KIF16B: variants seen among roughly 807,000 people sequenced by gnomAD.
The protein encoded by KIF16B is kinesin family member 16B.
A neutral mutation model predicts 156.3 loss-of-function variants in KIF16B; 98 were observed. The observed-to-expected ratio is 0.63, with a 90% confidence interval of 0.53 to 0.74. The LOEUF is 0.74. Ranked by LOEUF, KIF16B falls within the 30% of genes least tolerant of loss-of-function variation. KIF16B has a pLI of 0.00. For synonymous variants in KIF16B, 564 were observed against 583.7 expected, an observed-to-expected ratio of 0.97 and a Z score of 0.49; for missense variants, 1,421 against 1,606.5, an observed-to-expected ratio of 0.88 and a Z score of 1.97.
chr20:16,501,309 CAATACCAA>C (rs2068617035), intron 10 of KIF16B, among the ~76,000 whole-genome samples: 1 of 85,766 alleles, frequency 1.2e-5, no homozygotes, highest in Admixed American at 1.2e-4. Context: ...ATTCTTGGTT[CAATACCAA>C]GAATTGAATT....
intron 15 of KIF16B, among the ~76,000 whole-genome samples, chr20:16,410,298 T>C (rs1477115006): frequency 2.2e-5 from 3 of 139,076 alleles, no homozygotes; most frequent in East Asian, 2.1e-4. Context: ...CCTACATATA[T>C]ATGTGTGTGT....
chr20:16,517,594 T>C (rs2069184474), intron 3 of KIF16B, among the ~76,000 whole-genome samples: 2 of 152,116 alleles, frequency 1.3e-5, no homozygotes, highest in Non-Finnish European at 2.9e-5. Context: ...ATGTGTCCTC[T>C]TCCCACACCC....
intron 19 of KIF16B, among the ~76,000 whole-genome samples, chr20:16,375,101 T>A (rs1242215313): frequency 6.6e-6 from 1 of 152,092 alleles, no homozygotes; most frequent in African/African-American, 2.4e-5. Context: ...AAGTGATACA[T>A]CTATATGAGG....
intron 12 of KIF16B, among the ~76,000 whole-genome samples, chr20:16,446,476 C>G (rs534186417): frequency 9.2e-5 from 14 of 152,134 alleles, no homozygotes; most frequent in Non-Finnish European, 1.3e-4. Flanking sequence ...ATCTTGATTC[C>G]ATTAACTCTT....
chr20:16,323,546 T>C (rs553009453), intron 24 of KIF16B, among the ~76,000 whole-genome samples: 1 of 152,154 alleles, frequency 6.6e-6, no homozygotes, highest in African/African-American at 2.4e-5. Context: ...CCAAGTTTGA[T>C]TTGTTAAAGG....
At chr20:16,355,770 A>G (rs952562121) in intron 23 of KIF16B, among the ~76,000 whole-genome samples, 1 of 151,490 alleles carries the variant, frequency 6.6e-6, no homozygotes, top group African/African-American at 2.4e-5. Flanking sequence ...ATAAATCAAG[A>G]AACACTTGAA....
rs73898733 is a variant in KIF16B at position 16,428,663 on chromosome 20, T to C, written c.1474+290A>G. ...GTGAGACAATGTAGAGTGATTTAAG[T>C]AACTGTGTTCCTCAAAGACCTGACA... On this transcript the variant is annotated intron_variant, in intron 14 of 25. Coordinates refer to ENST00000354981, the MANE Select transcript of KIF16B (RefSeq NM_024704.5). Among the ~76,000 whole-genome samples, 567 of 152,256 alleles carry C rather than the reference T, an allele frequency of 3.7e-3. 3 individuals are homozygous for C. Among genetic ancestry groups the C allele is most frequent in the Middle Eastern group, 0.024 (7 of 294 alleles).
At chr20:16,304,157 T>A (rs2122628908) in intron 25 of KIF16B, among the ~76,000 whole-genome samples, 1 of 152,284 alleles carries the variant, frequency 6.6e-6, no homozygotes, top group Non-Finnish European at 1.5e-5. Flanking sequence ...CCCCTAGACT[T>A]CCATCTGAGT....
intron 12 of KIF16B, among the ~76,000 whole-genome samples, chr20:16,480,029 T>C (rs1165551198): frequency 1.3e-5 from 2 of 152,198 alleles, no homozygotes; most frequent in Admixed American, 1.3e-4. Context: ...CAGGGACTCC[T>C]TCGGGGCTAA....
At chr20:16,511,223 T>C (rs2068945310) in intron 6 of KIF16B, among the ~76,000 whole-genome samples, 195 bp downstream of exon 6, 1 of 152,214 alleles carries the variant, frequency 6.6e-6, no homozygotes, top group Admixed American at 6.5e-5. Flanking sequence ...CCTCATAAAA[T>C]CAACGGATGG....
intron 12 of KIF16B, among the ~76,000 whole-genome samples, chr20:16,439,482 G>A (rs934834798): frequency 2.6e-5 from 4 of 152,138 alleles, no homozygotes; most frequent in Non-Finnish European, 2.9e-5. Flanking sequence ...CAATCACAGC[G>A]GCCTCCTCAT....
At chr20:16,554,821 G>A (rs144878358) in intron 1 of KIF16B, among the ~76,000 whole-genome samples, 44 of 152,356 alleles carry the variant, frequency 2.9e-4, no homozygotes, top group African/African-American at 8.9e-4. Flanking sequence ...TGCCAGCCAC[G>A]GAAGCTGTTT....
rs2069115637 is a variant in KIF16B, at chr20:16,515,545, T to A, written c.348+3A>T. 2 of 1,479,948 alleles carry A rather than the reference T, an allele frequency of 1.4e-6. No individual in the cohort carries two copies. Among genetic ancestry groups the A allele is most frequent in the Non-Finnish European group, 1.9e-6 (2 of 1,058,128 alleles). 91.7% of individuals were successfully genotyped at this position (1,479,948 alleles called of 1,614,324 possible). A position where few individuals can be genotyped will look rare whatever the true frequency, so the allele number is the denominator to read the frequency against. Reference sequence around the variant, plus strand: ...TCCTTCCCACACAGTATAAACAACGTACAGAATTTCCCATCATAGTGTATG... The same window carrying A: ...TCCTTCCCACACAGTATAAACAACGAACAGAATTTCCCATCATAGTGTATG... On this transcript the variant is annotated splice_donor_region_variant and intron_variant, in intron 4 of 25. Coordinates refer to ENST00000354981, the MANE Select transcript of KIF16B (RefSeq NM_024704.5).
chr20:16,506,290 T>G, intron 7 of KIF16B, 100 bp from the exon 8 acceptor site: 2 of 970,628 alleles, frequency 2.1e-6, no homozygotes, highest in Non-Finnish European at 3.2e-6. Context: ...CTGAGATCTC[T>G]CAGGGTAGAT....
chr20:16,553,755 C>T (rs756597654), intron 1 of KIF16B, among the ~76,000 whole-genome samples: 4 of 152,238 alleles, frequency 2.6e-5, no homozygotes, highest in African/African-American at 7.2e-5. Flanking sequence ...CTGCAGCAAC[C>T]GCTACCAAGA....
intron 12 of KIF16B, among the ~76,000 whole-genome samples, chr20:16,494,006 T>C (rs2068374213): frequency 6.6e-6 from 1 of 152,150 alleles, no homozygotes; most frequent in South Asian, 2.1e-4. Context: ...AGTTCTAATA[T>C]GTGCTGAGTC....
intron 12 of KIF16B, among the ~76,000 whole-genome samples, chr20:16,451,244 T>C (rs2067072658): frequency 6.6e-6 from 1 of 152,182 alleles, no homozygotes; most frequent in Non-Finnish European, 1.5e-5. Context: ...TTTGGCCTTC[T>C]GATGGGAGAC....
At chr20:16,372,297 A>T (rs979643926) in intron 20 of KIF16B, among the ~76,000 whole-genome samples, 20 of 152,210 alleles carry the variant, frequency 1.3e-4, no homozygotes, top group Non-Finnish European at 2.9e-5. Flanking sequence ...GCACACTTGT[A>T]TTCCCGGTCT....
chr20:16,304,269 C>A (rs931704611), intron 25 of KIF16B, among the ~76,000 whole-genome samples: 6 of 152,184 alleles, frequency 3.9e-5, no homozygotes, highest in Non-Finnish European at 8.8e-5. Context: ...TCCCACATAC[C>A]CTCCAATTGG....
Sources: allele counts gnomAD v4.1 joint callset (sites outside exome capture counted in the v4.1 genomes callset), GRCh38; gene constraint gnomAD v4.1.1; transcripts MANE v1.5; gene names NCBI Gene and HGNC (gene_info 2026-07-23, HGNC 2026-07-21).